Variants in TTC28 observed in about 807,000 individuals in gnomAD.
TTC28 encodes tetratricopeptide repeat domain 28.
In TTC28, 61 loss-of-function variants were observed where a neutral mutation model predicts 198.0. That is an observed-to-expected ratio of 0.31 (90% CI 0.25 to 0.38). The LOEUF is 0.38. TTC28 is among the 10% of genes least tolerant of loss of function. The pLI, the probability that TTC28 is intolerant of heterozygous loss-of-function variation, is 1.00. For missense variants in TTC28, 2,678 were observed against 3,164.0 expected, an observed-to-expected ratio of 0.85 and a Z score of 3.69; for synonymous variants, 1,171 against 1,297.8, an observed-to-expected ratio of 0.90 and a Z score of 2.10.
At chr22:28,563,219 A>G (rs560302179) in intron 2 of TTC28, among the ~76,000 whole-genome samples, 2 of 152,346 alleles carry the variant, frequency 1.3e-5, no homozygotes, top group African/African-American at 4.8e-5. Context: ...TTTTTGCTCA[A>G]TGACCTTACA....
At position 28,629,674 on chromosome 22, in the gene TTC28, C is replaced by T. The variant is rs1030334657; in HGVS notation, c.259G>A (p.Val87Ile). 35 of 1,551,584 alleles carry T rather than the reference C, an allele frequency of 2.3e-5. No individual in the cohort carries two copies. Among genetic ancestry groups the T allele is most frequent in the Non-Finnish European group, 3.0e-5 (34 of 1,147,006 alleles). ...AIVLYNEALA[V>I]DPQNCILYSN... ...TATAAGATGCAGTTCTGAGGGTCAA[C>T]AGCCAGGGCTTCATTATACAGAACA... is the stretch of plus-strand genomic sequence containing the variant. The change falls in exon 2 of 23, where the codon GTT becomes ATT. Residue 87 changes from valine (V) to isoleucine (I), a missense_variant. Val to Ile is a conservative substitution (Grantham distance 29). This residue lies in a region of TTC28 where 176 missense variants were observed against 197.9 expected (regional missense o/e 0.89). Coordinates refer to ENST00000397906, the MANE Select transcript of TTC28 (RefSeq NM_001145418.2).
intron 2 of TTC28, among the ~76,000 whole-genome samples, chr22:28,337,654 G>T (rs1360093717): frequency 4.6e-5 from 7 of 152,162 alleles, no homozygotes; most frequent in African/African-American, 1.4e-4. Context: ...CCGAGAGTAG[G>T]ATTGCAACAC....
chr22:28,253,902 C>T (rs1275677767), intron 5 of TTC28, among the ~76,000 whole-genome samples: 1 of 151,844 alleles, frequency 6.6e-6, no homozygotes, highest in Admixed American at 6.6e-5. Context: ...ATCAGGAGTT[C>T]GAGAGCAGCC....
At chr22:28,233,834 T>C (rs1929008051) in intron 5 of TTC28, among the ~76,000 whole-genome samples, 1 of 151,848 alleles carries the variant, frequency 6.6e-6, no homozygotes. Context: ...AACTTCTGCC[T>C]CCTGGGTTCA....
chr22:28,048,390 G>A (rs1174301313), intron 12 of TTC28, among the ~76,000 whole-genome samples: 1 of 152,098 alleles, frequency 6.6e-6, no homozygotes, highest in Admixed American at 6.5e-5. Context: ...TTTGGGGTGG[G>A]AGATGTGCCA....
rs961352988 is a variant in TTC28 at position 28,449,725 on chromosome 22, A to C, written c.382-143082T>G. 2.0e-5 allele frequency among the ~76,000 whole-genome samples: 3 copies of C among 152,282 alleles called. 1 individual carries two copies. In the East Asian group the frequency reaches 5.8e-4, roughly 29 times the overall value. Reference sequence around the variant, plus strand: ...GATAATTCTGCAAGTATTGTGGAGGATGGAAAGAATAGGAAAACAACAAAG... The same window carrying C: ...GATAATTCTGCAAGTATTGTGGAGGCTGGAAAGAATAGGAAAACAACAAAG... On this transcript the variant is annotated intron_variant, in intron 2 of 22. Coordinates refer to ENST00000397906, the MANE Select transcript of TTC28 (RefSeq NM_001145418.2).
At chr22:28,304,964 T>C (rs983534469) in intron 3 of TTC28, among the ~76,000 whole-genome samples, 2 of 141,768 alleles carry the variant, frequency 1.4e-5, no homozygotes, top group Admixed American at 1.4e-4. Context: ...TCAGAGTTTG[T>C]TTATTTATTA....
chr22:28,025,448 G>C (rs1264857485), intron 13 of TTC28, among the ~76,000 whole-genome samples: 1 of 152,236 alleles, frequency 6.6e-6, no homozygotes, highest in African/African-American at 2.4e-5. Flanking sequence ...TCTGCACTGT[G>C]TGCCTCACCA....
rs1409625873 is a variant in TTC28 at position 28,371,598 on chromosome 22, A to ATTTTT, written c.382-64960_382-64956dup. ...ATCTTAACCAAAAAAAAAAAAAAAA[A>ATTTTT]TTTTTTTTTTTTTTGAGACAGAGTC... On this transcript the variant is annotated intron_variant, in intron 2 of 22. Transcript: ENST00000397906. Among the ~76,000 whole-genome samples the ATTTTT allele has an allele frequency of 1.1e-3, 31 of 27,762 alleles. 8 individuals are homozygous for ATTTTT. Among genetic ancestry groups the ATTTTT allele is most frequent in the South Asian group, 7.7e-3 (2 of 260 alleles). The allele number at this position is 27,762 out of a possible 152,430, so 18.2% of individuals were successfully genotyped here. A position where few individuals can be genotyped will look rare whatever the true frequency, so the allele number is the denominator to read the frequency against.
intron 5 of TTC28, among the ~76,000 whole-genome samples, chr22:28,279,852 C>T (rs2044550489): frequency 6.6e-6 from 1 of 152,198 alleles, no homozygotes; most frequent in Admixed American, 6.5e-5. Flanking sequence ...TTTGCCTGTT[C>T]TAGAATTTCT....
At chr22:28,154,345 C>CTTTTTTTTTTTTTTTTTTTTTTTTT (rs1333578904) in intron 6 of TTC28, among the ~76,000 whole-genome samples, 1 of 131,092 alleles carries the variant, frequency 7.6e-6, no homozygotes, top group African/African-American at 2.8e-5. Context: ...CTTTTCTTTT[C>CTTTTTTTTTTTTTTTTTTTTTTTTT]TTTTCTTTTT....
chr22:28,272,011 C>T (rs58713460), intron 5 of TTC28, among the ~76,000 whole-genome samples: 2,357 of 152,198 alleles, frequency 0.015, 81 homozygotes, highest in African/African-American at 0.055. Flanking sequence ...TGAGGCCTTC[C>T]CAGTCACTTG....
chr22:27,992,509 A>T (rs967333833), intron 19 of TTC28, 78 bp downstream of exon 19: 8 of 1,459,302 alleles, frequency 5.5e-6, no homozygotes, highest in Non-Finnish European at 6.5e-6. Context: ...ACAGGTTCCT[A>T]TTTAGGGCCA....
chr22:28,513,136 C>T (rs2048716736), intron 2 of TTC28, among the ~76,000 whole-genome samples: 1 of 151,994 alleles, frequency 6.6e-6, no homozygotes, highest in South Asian at 2.1e-4. Context: ...GCATGAGCCA[C>T]CATGCCTGGT....
intron 2 of TTC28, among the ~76,000 whole-genome samples, chr22:28,374,277 T>C (rs1346806147): frequency 6.6e-6 from 1 of 152,238 alleles, no homozygotes; most frequent in Admixed American, 6.5e-5. Flanking sequence ...TATTAATTAC[T>C]CAATAATCAC....
intron 5 of TTC28, among the ~76,000 whole-genome samples, chr22:28,273,568 A>C (rs1820014867): frequency 6.6e-6 from 1 of 152,192 alleles, no homozygotes. Context: ...AAGACAGATA[A>C]AAAGGATAAA....
chr22:28,037,516 C>T (rs1939414287), intron 12 of TTC28, among the ~76,000 whole-genome samples: 3 of 152,120 alleles, frequency 2.0e-5, no homozygotes, highest in Non-Finnish European at 4.4e-5. Flanking sequence ...TGGGATGTAT[C>T]TCAAAATAAT....
At chr22:28,200,541 A>G (rs1225089894) in intron 5 of TTC28, among the ~76,000 whole-genome samples, 1 of 152,060 alleles carries the variant, frequency 6.6e-6, no homozygotes, top group Non-Finnish European at 1.5e-5. Flanking sequence ...TCCATAAGAC[A>G]GCTGGAAATC....
intron 5 of TTC28, among the ~76,000 whole-genome samples, chr22:28,255,062 G>A (rs1173476304): frequency 6.6e-6 from 1 of 152,038 alleles, no homozygotes; most frequent in Non-Finnish European, 1.5e-5. Flanking sequence ...TTAAGAACAA[G>A]TCCTCAACTG....
Sources: allele counts gnomAD v4.1 joint callset (sites outside exome capture counted in the v4.1 genomes callset), GRCh38; gene constraint gnomAD v4.1.1; regional missense constraint gnomAD v4.1.1; transcripts MANE v1.5; gene names NCBI Gene and HGNC (gene_info 2026-07-23, HGNC 2026-07-21).